SLC35F3: variants seen among roughly 807,000 people sequenced by gnomAD.
SLC35F3 encodes solute carrier family 35 member F3, also known as putative thiamine transporter SLC35F3.
SLC35F3 carries 25 observed loss-of-function variants against 49.9 expected under a neutral mutation model. The ratio of observed to expected loss-of-function variants is 0.50; its 90% confidence interval spans 0.37 to 0.70. SLC35F3 has a LOEUF of 0.70. SLC35F3 is among the 30% of genes least tolerant of loss of function. The probability of loss-of-function intolerance (pLI) is 0.00; values close to 1 mark genes in which losing one functional copy is unlikely to be tolerated. For missense variants in SLC35F3, 525 were observed against 639.8 expected, an observed-to-expected ratio of 0.82 and a Z score of 1.94; for synonymous variants, 275 against 265.4, an observed-to-expected ratio of 1.04 and a Z score of -0.35.
chr1:234,035,101 C>T (rs1247524170), intron 2 of SLC35F3, among the ~76,000 whole-genome samples: 1 of 152,142 alleles, frequency 6.6e-6, no homozygotes, highest in African/African-American at 2.4e-5. Flanking sequence ...TCACTCCCTG[C>T]CTTCCGATCC....
At chr1:234,129,929 C>G (rs1455153188) in intron 2 of SLC35F3, among the ~76,000 whole-genome samples, 1 of 152,036 alleles carries the variant, frequency 6.6e-6, no homozygotes, top group Non-Finnish European at 1.5e-5. Flanking sequence ...ATTCACAGAC[C>G]TAAACATAAA....
chr1:233,992,846 C>T (rs1663386450), intron 2 of SLC35F3, among the ~76,000 whole-genome samples: 1 of 151,868 alleles, frequency 6.6e-6, no homozygotes, highest in Non-Finnish European at 1.5e-5. Context: ...AGATGTGAAG[C>T]AAAGGAGAGA....
chr1:234,188,595 G>A (rs932347641), intron 2 of SLC35F3, among the ~76,000 whole-genome samples: 6 of 152,078 alleles, frequency 3.9e-5, no homozygotes, highest in Admixed American at 3.9e-4. Context: ...GCCCCCACCT[G>A]ATGGTCCTTC....
chr1:233,977,488 AG>A (rs905171642), intron 2 of SLC35F3, among the ~76,000 whole-genome samples: 7 of 152,304 alleles, frequency 4.6e-5, no homozygotes, highest in African/African-American at 1.7e-4. Flanking sequence ...TGATAGAGTT[AG>A]GGGACAGGGA....
intron 2 of SLC35F3, among the ~76,000 whole-genome samples, chr1:234,045,869 G>A (rs895722624): frequency 5.3e-5 from 8 of 151,822 alleles, no homozygotes; most frequent in African/African-American, 1.9e-4. Flanking sequence ...ATATTGTTGT[G>A]TATTTTTCAA....
chr1:234,090,074 C>A (rs1281219831), intron 2 of SLC35F3, among the ~76,000 whole-genome samples: 4 of 152,234 alleles, frequency 2.6e-5, no homozygotes, highest in Admixed American at 6.5e-5. Flanking sequence ...AAATTTTAAA[C>A]AAGGCTCTTT....
At chr1:234,147,479 C>T (rs1334342714) in intron 2 of SLC35F3, among the ~76,000 whole-genome samples, 3 of 151,910 alleles carry the variant, frequency 2.0e-5, no homozygotes, top group Non-Finnish European at 4.4e-5. Flanking sequence ...TCTTTTTGTG[C>T]TTCTGTTGTA....
chr1:234,313,626 G>T lies in SLC35F3; in HGVS notation c.829-2976G>T, dbSNP rs1445346214. Among the ~76,000 whole-genome samples, 2 of 152,128 alleles carry T rather than the reference G, an allele frequency of 1.3e-5. 1 individual carries two copies. Among genetic ancestry groups the T allele is most frequent in the South Asian group, 4.1e-4 (2 of 4,826 alleles). On this transcript the variant is annotated intron_variant, in intron 4 of 7. Transcript: ENST00000366618. ...TGAGGGCTGGGGGGGACAGGACAGT[G>T]TAAGGAAGGAGAGGCATGGGGAGGT...
At chr1:234,267,339 T>G (rs1462773597) in intron 3 of SLC35F3, among the ~76,000 whole-genome samples, 1 of 139,556 alleles carries the variant, frequency 7.2e-6, no homozygotes, top group African/African-American at 2.8e-5. Context: ...TTCCCGCCTT[T>G]CTATTCCACA....
At chr1:234,232,519 C>CAAAAAAAAAAA (rs536692686) in intron 3 of SLC35F3, among the ~76,000 whole-genome samples, 478 of 71,514 alleles carry the variant, frequency 6.7e-3, no homozygotes, top group Middle Eastern at 9.3e-3. Context: ...CAGGCCTAGT[C>CAAAAAAAAAAA]AAAAAAAAAA....
At chr1:233,968,485 CTTTT>C (rs1662936012) in intron 2 of SLC35F3, among the ~76,000 whole-genome samples, 1 of 149,974 alleles carries the variant, frequency 6.7e-6, no homozygotes, top group Admixed American at 6.6e-5. Flanking sequence ...TTTTCTTTTT[CTTTT>C]TCTTTTTCTT....
intron 2 of SLC35F3, among the ~76,000 whole-genome samples, chr1:234,178,060 G>T (rs1170309956): frequency 2.6e-5 from 4 of 152,154 alleles, no homozygotes; most frequent in Non-Finnish European, 5.9e-5. Context: ...ATGCTAAAAT[G>T]AGATTCTGGA....
intron 2 of SLC35F3, among the ~76,000 whole-genome samples, chr1:233,919,490 G>A (rs1184870457): frequency 6.6e-6 from 1 of 152,142 alleles, no homozygotes; most frequent in Non-Finnish European, 1.5e-5. Context: ...TAGACTTCTG[G>A]TTCATTTCTT....
intron 2 of SLC35F3, among the ~76,000 whole-genome samples, chr1:234,218,096 G>A (rs1667150518): frequency 6.6e-6 from 1 of 152,206 alleles, no homozygotes; most frequent in Admixed American, 6.5e-5. Context: ...GATGGCATCT[G>A]TCATGTCTAA....
intron 2 of SLC35F3, among the ~76,000 whole-genome samples, chr1:234,062,602 G>A (rs892996476): frequency 7.2e-5 from 11 of 151,936 alleles, no homozygotes; most frequent in African/African-American, 2.4e-4. Flanking sequence ...TCCTGGCTCT[G>A]TTGCAAATGA....
chr1:234,320,170 G>A lies in SLC35F3; in HGVS notation c.1220G>A (p.Ser407Asn), dbSNP rs1449854941. The change falls in exon 7 of 8, where the codon AGC becomes AAC. Residue 407 changes from serine (S) to asparagine (N), a missense_variant. By Grantham distance (46) the Ser-to-Asn change is conservative. Transcript: ENST00000366618. The surrounding 1 kb of genome is among the most constrained non-coding windows in gnomAD (Gnocchi z 4.8). ...CTGATGTCTCTTGGAATCGTCCTCA[G>A]CATACCTGTGAATGCAGGTAAACCT... ...PTLMSLGIVL[S>N]IPVNAVIDHY... The A allele has an allele frequency of 1.2e-6, 2 of 1,613,752 alleles. No individual in the cohort carries two copies. Among genetic ancestry groups the A allele is most frequent in the Non-Finnish European group, 1.7e-6 (2 of 1,179,742 alleles).
intron 3 of SLC35F3, among the ~76,000 whole-genome samples, chr1:234,239,559 C>T (rs1249585464): frequency 6.6e-6 from 1 of 152,214 alleles, no homozygotes; most frequent in Non-Finnish European, 1.5e-5. Flanking sequence ...TTCATATTAT[C>T]AATGAGTCCA....
rs1173840922 is a variant in SLC35F3 at position 234,059,817 on chromosome 1, G to T, written c.283+154059G>T. On this transcript the variant is annotated intron_variant, in intron 2 of 7. Coordinates refer to ENST00000366618, the MANE Select transcript of SLC35F3 (RefSeq NM_173508.4). ...AAAACTTGGGGCCTGATGTTTGAGG[G>T]CAGGGAGCATCCAGCACGGGAGAAA... is the stretch of plus-strand genomic sequence containing the variant. 3.7e-4 allele frequency among the ~76,000 whole-genome samples: 57 copies of T among 152,210 alleles called. 1 individual carries two copies. The highest frequency in any genetic ancestry group is 3.7e-3 in the Admixed American group (56 of 15,280).
At position 234,110,751 on chromosome 1, in the gene SLC35F3, A is replaced by G. The variant is rs151264654; in HGVS notation, c.284-120666A>G. ...TGTAAATTTGGAAGGGTTTTTAGCC[A>G]GATAGATCTTATACCCTCAGACACA... On this transcript the variant is annotated intron_variant, in intron 2 of 7. Transcript: ENST00000366618. Among the ~76,000 whole-genome samples the G allele has an allele frequency of 6.6e-5, 10 of 152,366 alleles. No homozygotes were observed. In the East Asian group the frequency reaches 1.9e-3, roughly 29 times the overall value.
Sources: allele counts gnomAD v4.1 joint callset (sites outside exome capture counted in the v4.1 genomes callset), GRCh38; gene constraint gnomAD v4.1.1; non-coding constraint Gnocchi (gnomAD v3.1); transcripts MANE v1.5; gene names NCBI Gene and HGNC (gene_info 2026-07-23, HGNC 2026-07-21).